GSDME: variants seen among roughly 807,000 people sequenced by gnomAD.
GSDME encodes the protein gasdermin-E.
In GSDME, 44 loss-of-function variants were observed where a neutral mutation model predicts 47.5. The ratio of observed to expected loss-of-function variants is 0.93; its 90% CI spans 0.73 to 1.19. The LOEUF (loss-of-function observed/expected upper bound fraction) is 1.19. GSDME is among the 50% of genes most tolerant of loss of function. GSDME has a pLI of 0.00. For synonymous variants in GSDME, 258 were observed against 252.8 expected, an observed-to-expected ratio of 1.02 and a Z score of -0.20; for missense variants, 663 against 604.2, an observed-to-expected ratio of 1.10 and a Z score of -1.02.
chr7:24,736,258 A>C lies in GSDME; in HGVS notation c.404+8304T>G, dbSNP rs980544649. Among the ~76,000 whole-genome samples, 5 of 152,192 alleles carry C rather than the reference A, an allele frequency of 3.3e-5. No homozygotes were observed. Among genetic ancestry groups the C allele is most frequent in the Non-Finnish European group, 7.3e-5 (5 of 68,042 alleles). On this transcript the variant is annotated intron_variant, in intron 3 of 9. Coordinates refer to ENST00000645220, the MANE Select transcript of GSDME (RefSeq NM_001127453.2). The surrounding 1 kb of genome is among the most constrained non-coding windows in gnomAD (Gnocchi z 4.6). ...ATTAAAAACAACAAAAAAAGACCAA[A>C]TGATCTGTTGCCTACAAGAAACACC...
the GSDME span, among the ~76,000 whole-genome samples, chr7:24,785,852 T>G: frequency 6.6e-6 from 1 of 152,244 alleles, no homozygotes; most frequent in African/African-American, 2.4e-5. Context: ...CCAGCAATTC[T>G]TCAGCCCCAT....
rs1789394134 is a variant in GSDME at position 24,712,511 on chromosome 7, A to G, written c.698-2123T>C. On this transcript the variant is annotated intron_variant, in intron 5 of 9. Transcript: ENST00000645220. The surrounding 1 kb of genome is among the most constrained non-coding windows in gnomAD (Gnocchi z 4.4). ...GCCAGCCAGCCAGCAAATATGCAAC[A>G]ATGTAAATCTTTAAAATTCCCTATA... is the stretch of plus-strand genomic sequence containing the variant. Among the ~76,000 whole-genome samples the G allele has an allele frequency of 6.6e-6, 1 of 152,188 alleles. No homozygotes were observed. Among genetic ancestry groups the G allele is most frequent in the Admixed American group, 6.5e-5 (1 of 15,280 alleles).
chr7:24,720,681 C>A (rs11973836), intron 3 of GSDME, among the ~76,000 whole-genome samples: 1 of 152,112 alleles, frequency 6.6e-6, no homozygotes, highest in African/African-American at 2.4e-5. Context: ...TTTGGGAGGC[C>A]GAGGCAGGTG....
In GSDME at chr7:24,735,449, G is replaced by A. The variant is rs1197460375; in HGVS notation, c.404+9113C>T. Among the ~76,000 whole-genome samples, 1 of 152,102 alleles carries A rather than the reference G, an allele frequency of 6.6e-6. No homozygotes were observed. Among genetic ancestry groups the A allele is most frequent in the African/African-American group, 2.4e-5 (1 of 41,422 alleles). On this transcript the variant is annotated intron_variant, in intron 3 of 9. Transcript: ENST00000645220. This position sits in a 1 kb window ranked among gnomAD's most constrained non-coding sequence, Gnocchi z 4.4. ...ATCTTAAGCAGAAAGACAAAAAGAT[G>A]AACCAATTAAAAATAGTAACTACAG...
rs1296850949 is a variant in GSDME, at chr7:24,744,526, G to A, written c.404+36C>T. ...ACTGAATGACCTTTAAATGTGAGAT[G>A]TGTCAAAATCCAAAATGCCAAACAA... On this transcript the variant is annotated intron_variant, in intron 3 of 9. Coordinates refer to ENST00000645220, the MANE Select transcript of GSDME (RefSeq NM_001127453.2). The surrounding 1 kb of genome is among the most constrained non-coding windows in gnomAD (Gnocchi z 4.5). 6.2e-7 allele frequency: 1 copy of A among 1,609,424 alleles called. No individual in the cohort carries two copies. The highest frequency in any genetic ancestry group is 2.2e-5 in the East Asian group (1 of 44,868).
intron 1 of GSDME, among the ~76,000 whole-genome samples, chr7:24,751,378 G>A (rs903654991): frequency 6.6e-6 from 1 of 152,134 alleles, no homozygotes; most frequent in African/African-American, 2.4e-5. Context: ...TTGCACCCTG[G>A]CGCTTGGCAC....
chr7:24,768,962 T>A, the GSDME span, among the ~76,000 whole-genome samples: 1 of 152,218 alleles, frequency 6.6e-6, no homozygotes, highest in African/African-American at 2.4e-5. The surrounding 1 kb of genome is among the most constrained non-coding windows in gnomAD (Gnocchi z 5.6). Context: ...CAGCCAGGAA[T>A]AACAGACACA....
At chr7:24,759,086 G>A (rs578116156), upstream of GSDME, among the ~76,000 whole-genome samples, 1 of 152,324 alleles carries the variant, frequency 6.6e-6, no homozygotes, top group East Asian at 1.9e-4. Context: ...CATGGTGGTA[G>A]GCCCCTGATT....
At chr7:24,790,916 A>C in the GSDME span, among the ~76,000 whole-genome samples, 1 of 152,192 alleles carries the variant, frequency 6.6e-6, no homozygotes, top group African/African-American at 2.4e-5. The surrounding 1 kb of genome is among the most constrained non-coding windows in gnomAD (Gnocchi z 4.1). Context: ...AGTTTGAGGA[A>C]GATCAGTTTA....
chr7:24,705,825 G>T lies in GSDME; in HGVS notation c.1183+359C>A, dbSNP rs895653542. On this transcript the variant is annotated intron_variant, in intron 8 of 9. Coordinates refer to ENST00000645220, the MANE Select transcript of GSDME (RefSeq NM_001127453.2). The surrounding 1 kb of genome is among the most constrained non-coding windows in gnomAD (Gnocchi z 4.1). ...CTGAAATGCTGGAGGAGAGCAGTTGGCAAATGAAAGTTGCTGCCACTCAGC... is the reference window on the plus strand; with the variant it reads ...CTGAAATGCTGGAGGAGAGCAGTTGTCAAATGAAAGTTGCTGCCACTCAGC... 2.1e-5 allele frequency: 8 copies of T among 375,512 alleles called. No homozygotes were observed. Among genetic ancestry groups the T allele is most frequent in the African/African-American group, 1.5e-4 (7 of 47,916 alleles). 23.3% of individuals were successfully genotyped at this position (375,512 alleles called of 1,614,324 possible).
chr7:24,738,313 C>T (rs990915415), intron 3 of GSDME, among the ~76,000 whole-genome samples: 8 of 152,028 alleles, frequency 5.3e-5, no homozygotes, highest in Non-Finnish European at 1.0e-4. Context: ...AAATCAGTAG[C>T]ATGTCTATAG....
At position 24,735,406 on chromosome 7, in the gene GSDME, G is replaced by A. The variant is rs1171020141; in HGVS notation, c.404+9156C>T. Among the ~76,000 whole-genome samples, 1 of 152,106 alleles carries A rather than the reference G, an allele frequency of 6.6e-6. No individual in the cohort carries two copies. The highest frequency in any genetic ancestry group is 2.4e-5 in the African/African-American group (1 of 41,392). On this transcript the variant is annotated intron_variant, in intron 3 of 9. Coordinates refer to ENST00000645220, the MANE Select transcript of GSDME (RefSeq NM_001127453.2). The surrounding 1 kb of genome is among the most constrained non-coding windows in gnomAD (Gnocchi z 4.4). ...CAGACTATTATAACACTGTCACTGT[G>A]GTATGTAAACTACTCATATCTTAAG...
intron 8 of GSDME, chr7:24,703,159 C>CAGA (rs1427797055): frequency 2.8e-6 from 1 of 360,926 alleles, no homozygotes; most frequent in East Asian, 7.1e-5. Context: ...CATCTGGTGA[C>CAGA]AGAAGAGTGA....
intron 8 of GSDME, chr7:24,703,044 C>G (rs577584994): frequency 4.6e-5 from 23 of 499,254 alleles, no homozygotes; most frequent in African/African-American, 3.9e-4. Flanking sequence ...GCTGCCAGCT[C>G]TGCATTCCAC....
At position 24,706,451 on chromosome 7, in the gene GSDME, T is replaced by C. The variant is rs561468385; in HGVS notation, c.991-75A>G. 5.8e-4 allele frequency: 848 copies of C among 1,451,812 alleles called. 2 individuals are homozygous for C. Among genetic ancestry groups the C allele is most frequent in the South Asian group, 9.0e-4 (74 of 82,524 alleles). The allele number at this position is 1,451,812 out of a possible 1,614,324, so 89.9% of individuals were successfully genotyped here. A position where few individuals can be genotyped will look rare whatever the true frequency, so the allele number is the denominator to read the frequency against. On this transcript the variant is annotated intron_variant, in intron 7 of 9. Transcript: ENST00000645220. ...CCACAGCTGGGGCCTCCGCTCACAG[T>C]ACACACAAGCCCCAGCCCTTCCCAC...
Position 24,698,614 on chromosome 7 carries a change from G to A in GSDME, c.*412C>T, listed in dbSNP as rs990122927. 3.8e-5 allele frequency: 11 copies of A among 289,206 alleles called. No homozygotes were observed. In the Admixed American group the frequency reaches 4.9e-4, roughly 13 times the overall value. 17.9% of individuals were successfully genotyped at this position (289,206 alleles called of 1,614,324 possible). ...TCACTTCCAAAACGTAGCCTCTTGTGTGCAGAGAAATTGCCTTCCCACAGC... is the reference window on the plus strand; with the variant it reads ...TCACTTCCAAAACGTAGCCTCTTGTATGCAGAGAAATTGCCTTCCCACAGC... On this transcript the variant is annotated 3_prime_UTR_variant, in exon 10 of 10. Transcript: ENST00000645220.
intron 9 of GSDME, among the ~76,000 whole-genome samples, chr7:24,700,366 T>G (rs1788816150): frequency 6.6e-6 from 1 of 152,178 alleles, no homozygotes. Context: ...TTACAAATCT[T>G]AAGCAATTAC....
Position 24,728,564 on chromosome 7 carries a change from C to T in GSDME, c.405-9346G>A, listed in dbSNP as rs1303259046. Among the ~76,000 whole-genome samples, 2 of 152,206 alleles carry T rather than the reference C, an allele frequency of 1.3e-5. No homozygotes were observed. Among genetic ancestry groups the T allele is most frequent in the African/African-American group, 4.8e-5 (2 of 41,452 alleles). Reference sequence around the variant, plus strand: ...CTCTGCGCCCATCTGCCTCTCCCTCCTGAACCTTCCTGGGCCCTGCATACA... The same window carrying T: ...CTCTGCGCCCATCTGCCTCTCCCTCTTGAACCTTCCTGGGCCCTGCATACA... On this transcript the variant is annotated intron_variant, in intron 3 of 9. Coordinates refer to ENST00000645220, the MANE Select transcript of GSDME (RefSeq NM_001127453.2). This position sits in a 1 kb window ranked among gnomAD's most constrained non-coding sequence, Gnocchi z 7.2.
Position 24,706,244 on chromosome 7 carries a change from C to A in GSDME, c.1123G>T (p.Glu375Ter). Residue 375 changes from glutamate (E) to a stop codon, truncating the protein, a stop_gained, in exon 8 of 10, where the codon GAG (glutamate) becomes TAG (stop). Transcript: ENST00000645220. LOFTEE classifies it high-confidence loss of function. ...AACAGCTGCTTGCTGCCTGCATCCT[C>A]GGGGCCCGGACACCCACCCTGTAAG... ...CSLQGGCPGP[E>*]DAGSKQLFMT... 6.2e-7 allele frequency: 1 copy of A among 1,614,222 alleles called. No homozygotes were observed. The highest frequency in any genetic ancestry group is 8.5e-7 in the Non-Finnish European group (1 of 1,180,040).
Sources: gnomAD v4.1 joint callset for allele counts (sites outside exome capture counted in the v4.1 genomes callset) on GRCh38, gnomAD v4.1.1 for gene constraint, Gnocchi (gnomAD v3.1) non-coding constraint, MANE v1.5 for transcripts, NCBI Gene and HGNC (gene_info 2026-07-23, HGNC 2026-07-21) for gene names.